Variants in MSI2 observed in about 807,000 individuals in gnomAD.
MSI2 encodes the protein musashi RNA binding protein 2, also known as RNA-binding protein Musashi homolog 2.
Under a neutral mutation model 45.6 loss-of-function variants are expected in MSI2, and 17 were observed. The observed-to-expected ratio is 0.37, with a 90% CI of 0.26 to 0.56. The LOEUF is 0.56. Ranked by LOEUF, MSI2 falls within the 20% of genes least tolerant of loss-of-function variation. The pLI is 0.77. For synonymous variants in MSI2, 156 were observed against 158.2 expected, an observed-to-expected ratio of 0.99 and a Z score of 0.11; for missense variants, 293 against 444.2, an observed-to-expected ratio of 0.66 and a Z score of 3.06.
In MSI2 at chr17:57,596,863, T is replaced by C; in HGVS notation, c.455-5T>C. On this transcript the variant is annotated splice_polypyrimidine_tract_variant and splice_region_variant and intron_variant, in intron 7 of 13. Transcript: ENST00000284073. The surrounding 1 kb of genome is among the most constrained non-coding windows in gnomAD (Gnocchi z 4.6). ...TTGTTTTTTCTTCTCTCTCTTTTCCTTTAGGGTTTGGCTTTGTCACTTTTG... is the reference window on the plus strand; with the variant it reads ...TTGTTTTTTCTTCTCTCTCTTTTCCCTTAGGGTTTGGCTTTGTCACTTTTG... 6.2e-7 allele frequency: 1 copy of C among 1,609,208 alleles called. No individual in the cohort carries two copies. The highest frequency in any genetic ancestry group is 8.5e-7 in the Non-Finnish European group (1 of 1,175,668).
intron 6 of MSI2, among the ~76,000 whole-genome samples, chr17:57,452,046 GAGTAGCTCTCCC>G: frequency 6.6e-6 from 1 of 152,192 alleles, no homozygotes; most frequent in East Asian, 1.9e-4. Context: ...CTTTAGTGAG[GAGTAGCTCTCCC>G]ATGTCCTCAA....
intron 6 of MSI2, chr17:57,522,164 G>A (rs747006197): frequency 3.9e-5 from 6 of 152,202 alleles, no homozygotes; most frequent in African/African-American, 1.4e-4. Context: ...CACCTCAGCC[G>A]AGTCTCACTC....
At chr17:57,336,678 G>T (rs1335636173) in intron 5 of MSI2, among the ~76,000 whole-genome samples, 1 of 152,086 alleles carries the variant, frequency 6.6e-6, no homozygotes, top group Non-Finnish European at 1.5e-5. Context: ...TTATTAATTG[G>T]TGTTGCATCT....
At chr17:57,287,728 A>G (rs559496330) in intron 5 of MSI2, among the ~76,000 whole-genome samples, 9 of 152,298 alleles carry the variant, frequency 5.9e-5, no homozygotes, top group African/African-American at 2.2e-4. Flanking sequence ...CTGGCAGTCA[A>G]ATGGATTCCA....
chr17:57,509,980 T>G (rs1244590379), intron 6 of MSI2, among the ~76,000 whole-genome samples: 1 of 152,098 alleles, frequency 6.6e-6, no homozygotes, highest in East Asian at 1.9e-4. Context: ...GGTTTAAATG[T>G]CTGTTTCAGC....
chr17:57,553,020 T>G (rs1046157054), intron 7 of MSI2, among the ~76,000 whole-genome samples: 3 of 152,128 alleles, frequency 2.0e-5, no homozygotes, highest in African/African-American at 7.2e-5. Context: ...CTTCAGAAAT[T>G]TTTGTTGTTG....
chr17:57,620,250 T>C (rs910770064), intron 9 of MSI2, among the ~76,000 whole-genome samples: 2 of 152,226 alleles, frequency 1.3e-5, no homozygotes, highest in Admixed American at 1.3e-4. Context: ...ACCCATGGGG[T>C]AATAATCTTA....
chr17:57,377,333 G>A (rs1229243691), intron 5 of MSI2, among the ~76,000 whole-genome samples: 1 of 152,224 alleles, frequency 6.6e-6, no homozygotes, highest in Non-Finnish European at 1.5e-5. Flanking sequence ...TTGAATCAGG[G>A]CATCCACTTC....
At chr17:57,590,024 T>C (rs1904674072) in intron 7 of MSI2, among the ~76,000 whole-genome samples, 2 of 152,226 alleles carry the variant, frequency 1.3e-5, no homozygotes, top group African/African-American at 4.8e-5. Flanking sequence ...AATACTAGGT[T>C]ATTAGCAAGA....
intron 5 of MSI2, among the ~76,000 whole-genome samples, chr17:57,301,564 T>C (rs1348147422): frequency 6.6e-6 from 1 of 152,252 alleles, no homozygotes; most frequent in Non-Finnish European, 1.5e-5. Context: ...TTTGCCTGCT[T>C]TTCACCCTTG....
chr17:57,400,079 C>A (rs941286336), intron 5 of MSI2, among the ~76,000 whole-genome samples: 1 of 152,212 alleles, frequency 6.6e-6, no homozygotes, highest in Non-Finnish European at 1.5e-5. Flanking sequence ...TATATGCCAA[C>A]AAACTGGTCA....
At chr17:57,345,838 T>A (rs1003817882) in intron 5 of MSI2, among the ~76,000 whole-genome samples, 18 of 144,224 alleles carry the variant, frequency 1.2e-4, no homozygotes, top group Non-Finnish European at 2.7e-4. Context: ...AAAAAAAAAT[T>A]AACTAATGCC....
At chr17:57,339,021 G>A (rs982804868) in intron 5 of MSI2, among the ~76,000 whole-genome samples, 30 of 152,252 alleles carry the variant, frequency 2.0e-4, no homozygotes, top group Admixed American at 1.8e-3. Context: ...GGGGGAGAGG[G>A]GATCAGACTT....
chr17:57,361,442 A>G (rs1916802975), intron 5 of MSI2, among the ~76,000 whole-genome samples: 1 of 151,080 alleles, frequency 6.6e-6, no homozygotes, highest in African/African-American at 2.5e-5. Flanking sequence ...TTTACAAAAA[A>G]TAAAAAAAAA....
At chr17:57,525,200 T>C (rs1006654128) in intron 6 of MSI2, among the ~76,000 whole-genome samples, 1 of 152,306 alleles carries the variant, frequency 6.6e-6, no homozygotes, top group Admixed American at 6.5e-5. Context: ...CAATACCTTC[T>C]GGTGTCAGGA....
At position 57,652,028 on chromosome 17, in the gene MSI2, C is replaced by T. The variant is rs999893498; in HGVS notation, c.728-71C>T. On this transcript the variant is annotated intron_variant, in intron 10 of 13. Transcript: ENST00000284073. The surrounding 1 kb of genome is among the most constrained non-coding windows in gnomAD (Gnocchi z 4.1). ...GTGGAGGGCGGGGGGTTGTGTGGCCCGTGACCTAGGTCTGTGCCTGGCCCT... is the reference window on the plus strand; with the variant it reads ...GTGGAGGGCGGGGGGTTGTGTGGCCTGTGACCTAGGTCTGTGCCTGGCCCT... The T allele has an allele frequency of 3.0e-5, 43 of 1,457,324 alleles. No homozygotes were observed. Among genetic ancestry groups the T allele is most frequent in the South Asian group, 8.0e-5 (7 of 87,538 alleles). The allele number at this position is 1,457,324 out of a possible 1,614,324, so 90.3% of individuals were successfully genotyped here.
chr17:57,338,876 C>T (rs1914900036), intron 5 of MSI2, among the ~76,000 whole-genome samples: 1 of 152,154 alleles, frequency 6.6e-6, no homozygotes, highest in Non-Finnish European at 1.5e-5. Flanking sequence ...TCCCCTTTGT[C>T]TTCCTTGTCT....
chr17:57,580,570 C>T (rs1034142955), intron 7 of MSI2, among the ~76,000 whole-genome samples: 1 of 152,136 alleles, frequency 6.6e-6, no homozygotes, highest in Non-Finnish European at 1.5e-5. Context: ...CATTAGTAAG[C>T]GTGAAAAATT....
chr17:57,389,711 T>G (rs1307484530), intron 5 of MSI2, among the ~76,000 whole-genome samples: 1 of 152,230 alleles, frequency 6.6e-6, no homozygotes, highest in Non-Finnish European at 1.5e-5. Context: ...CCTCTTGGTC[T>G]TTCTCAGGAC....
Sources: gnomAD v4.1 joint callset for allele counts (sites outside exome capture counted in the v4.1 genomes callset) on GRCh38, gnomAD v4.1.1 for gene constraint, Gnocchi (gnomAD v3.1) non-coding constraint, MANE v1.5 for transcripts, NCBI Gene and HGNC (gene_info 2026-07-23, HGNC 2026-07-21) for gene names.